The following FAM81A variants were observed in gnomAD, a reference collection of about 807,000 sequenced individuals.
The protein encoded by FAM81A is protein FAM81A.
Under a neutral mutation model 46.7 loss-of-function variants are expected in FAM81A, and 19 were observed. That is an observed-to-expected ratio of 0.41 (90% CI 0.28 to 0.60). The LOEUF (loss-of-function observed/expected upper bound fraction) is 0.60, where lower values mean the gene tolerates loss of function less well. Ranked by LOEUF, FAM81A falls within the 20% of genes least tolerant of loss-of-function variation. The pLI, the probability that FAM81A is intolerant of heterozygous loss-of-function variation, is 0.34. For synonymous variants in FAM81A, 183 were observed against 152.9 expected, an observed-to-expected ratio of 1.20 and a Z score of -1.45; for missense variants, 377 against 453.5, an observed-to-expected ratio of 0.83 and a Z score of 1.53.
intron 1 of FAM81A, among the ~76,000 whole-genome samples, chr15:59,453,866 C>T (rs2081450067): frequency 6.6e-6 from 1 of 152,164 alleles, no homozygotes; most frequent in Non-Finnish European, 1.5e-5. Context: ...TCTCCTGCTA[C>T]TCCAGCCAGA....
Position 59,521,408 on chromosome 15 carries a change from G to A in FAM81A, c.*30G>A. The A allele has an allele frequency of 6.4e-7, 1 of 1,572,730 alleles. No homozygotes were observed. The highest frequency in any genetic ancestry group is 8.6e-7 in the Non-Finnish European group (1 of 1,158,520). On this transcript the variant is annotated 3_prime_UTR_variant, in exon 9 of 9. Transcript: ENST00000288228. ...AGCTGGGACAAGGTCCTAAAAGACA[G>A]TTTTGCCAGTGGGGCTAGGAGCCGG...
chr15:59,486,326 G>A (rs192424255), intron 3 of FAM81A, among the ~76,000 whole-genome samples: 18 of 152,172 alleles, frequency 1.2e-4, no homozygotes, highest in Non-Finnish European at 1.9e-4. Flanking sequence ...CTTGAAGACA[G>A]GCTATTTGAA....
At chr15:59,415,526 G>A (rs146058470) in intron 2 of FAM81A, among the ~76,000 whole-genome samples, 182 of 152,310 alleles carry the variant, frequency 1.2e-3, no homozygotes, top group African/African-American at 4.2e-3. Flanking sequence ...GAGATGCTAC[G>A]TTGAAAGGAC....
rs377147385 is a variant in FAM81A, at chr15:59,470,012, C to A, written c.294+9806C>A. 8.5e-5 allele frequency among the ~76,000 whole-genome samples: 13 copies of A among 152,148 alleles called. No homozygotes were observed. In the East Asian group the frequency reaches 1.9e-3, roughly 23 times the overall value. ...AATTCTGGGTGGAAAAAATTCTTTT[C>A]TTTAAGAATGTTGATTATTGGCCCC... On this transcript the variant is annotated intron_variant, in intron 3 of 8. Coordinates refer to ENST00000288228, the MANE Select transcript of FAM81A (RefSeq NM_152450.3).
intron 1 of FAM81A, among the ~76,000 whole-genome samples, chr15:59,400,529 T>G (rs1459008392): frequency 6.6e-6 from 1 of 152,148 alleles, no homozygotes; most frequent in African/African-American, 2.4e-5. Context: ...ATGATCCTCC[T>G]TCTCCACCTC....
intron 2 of FAM81A, among the ~76,000 whole-genome samples, chr15:59,409,216 G>A (rs548096897): frequency 6.0e-4 from 91 of 152,190 alleles, no homozygotes; most frequent in African/African-American, 2.1e-3. Context: ...TTCTACTCCA[G>A]GTCTGGGTCC....
intron 3 of FAM81A, among the ~76,000 whole-genome samples, chr15:59,462,095 C>T (rs1327985798): frequency 7.9e-5 from 12 of 151,118 alleles, no homozygotes; most frequent in Non-Finnish European, 1.3e-4. Flanking sequence ...CCCAGCTACT[C>T]GGGAGGTTGA....
At chr15:59,417,883 T>A (rs1327373591) in intron 2 of FAM81A, among the ~76,000 whole-genome samples, 4 of 152,078 alleles carry the variant, frequency 2.6e-5, no homozygotes, top group Non-Finnish European at 5.9e-5. Flanking sequence ...TAACTCGTCA[T>A]TTACATTAGG....
chr15:59,477,223 G>A (rs2081783554), intron 3 of FAM81A, among the ~76,000 whole-genome samples: 1 of 151,968 alleles, frequency 6.6e-6, no homozygotes, highest in African/African-American at 2.4e-5. Flanking sequence ...TATTTAAATT[G>A]TATTTCAATG....
At chr15:59,493,486 C>T (rs1389835455) in intron 4 of FAM81A, among the ~76,000 whole-genome samples, 1 of 152,192 alleles carries the variant, frequency 6.6e-6, no homozygotes, top group Non-Finnish European at 1.5e-5. Context: ...TACCTTTCAG[C>T]AGTGATCAAC....
At chr15:59,486,272 A>C (rs543239466) in intron 3 of FAM81A, among the ~76,000 whole-genome samples, 1 of 152,164 alleles carries the variant, frequency 6.6e-6, no homozygotes, top group Non-Finnish European at 1.5e-5. Context: ...AGAATGCATC[A>C]GTCTGTTAGC....
Position 59,414,208 on chromosome 15 carries a change from C to A in FAM81A, c.-78+11850C>A, listed in dbSNP as rs568739926. 7.2e-5 allele frequency among the ~76,000 whole-genome samples: 11 copies of A among 152,268 alleles called. No homozygotes were observed. In the East Asian group the frequency reaches 2.1e-3, roughly 29 times the overall value. ...GCCTCAAGTGATCCGCCCGCCTTGG[C>A]CTCCTAAAGTGCTGGGATTATAGGT... On this transcript the variant is annotated intron_variant, in intron 2 of 4. Coordinates refer to the FAM81A transcript ENST00000558348.
At chr15:59,417,534 C>T (rs113541905) in intron 2 of FAM81A, among the ~76,000 whole-genome samples, 7,396 of 147,562 alleles carry the variant, frequency 0.05, 211 homozygotes, top group African/African-American at 0.082. Context: ...GGTGAAACCC[C>T]GTCTCTACTA....
At position 59,517,429 on chromosome 15, in the gene FAM81A, G is replaced by GT. The variant is rs766264358; in HGVS notation, c.982+590dup. 7.9e-5 allele frequency among the ~76,000 whole-genome samples: 12 copies of GT among 152,216 alleles called. No homozygotes were observed. In the South Asian group the frequency reaches 1.0e-3, roughly 13 times the overall value. On this transcript the variant is annotated intron_variant, in intron 8 of 8. Coordinates refer to ENST00000288228, the MANE Select transcript of FAM81A (RefSeq NM_152450.3). ...GATTTTAACTCAATATGAGGCAGAA[G>GT]TACCTTGAAGTTAATGAGTCCTAAA...
intron 2 of FAM81A, among the ~76,000 whole-genome samples, chr15:59,413,692 G>A (rs1282157698): frequency 5.3e-5 from 8 of 152,108 alleles, no homozygotes; most frequent in East Asian, 1.9e-4. Flanking sequence ...AAGCAGTGGC[G>A]GGAGGATAGC....
At chr15:59,453,595 T>C (rs1224699807) in intron 1 of FAM81A, among the ~76,000 whole-genome samples, 2 of 152,044 alleles carry the variant, frequency 1.3e-5, no homozygotes, top group African/African-American at 2.4e-5. Context: ...GAGAAAAATA[T>C]GTTGGACTGT....
chr15:59,505,165 C>T (rs114728912), intron 4 of FAM81A, among the ~76,000 whole-genome samples: 1,590 of 152,118 alleles, frequency 0.01, 22 homozygotes, highest in African/African-American at 0.033. Context: ...GAGTGAGTTC[C>T]TTGCTACTAT....
chr15:59,407,775 T>G, intron 2 of FAM81A: 1 of 230,384 alleles, frequency 4.3e-6, no homozygotes. Flanking sequence ...GGAAGTCCCC[T>G]TTGCTGGCAG....
chr15:59,429,644 A>G (rs2081210870), intron 2 of FAM81A, among the ~76,000 whole-genome samples: 1 of 152,232 alleles, frequency 6.6e-6, no homozygotes, highest in Non-Finnish European at 1.5e-5. Context: ...TGGGCTTTAA[A>G]CTTACAATGA....
Sources: gnomAD v4.1 joint callset for allele counts (sites outside exome capture counted in the v4.1 genomes callset) on GRCh38, gnomAD v4.1.1 for gene constraint, MANE v1.5 for transcripts, NCBI Gene and HGNC (gene_info 2026-07-23, HGNC 2026-07-21) for gene names.